The following ZNF331 variants were observed in gnomAD, a reference collection of about 807,000 sequenced individuals.
The protein encoded by ZNF331 is zinc finger protein 331, also known as C2H2-like zinc finger protein rearranged in thyroid adenomas.
Under a neutral mutation model 7.0 loss-of-function variants are expected in ZNF331, and 2 were observed. The observed-to-expected ratio is 0.29, with a 90% CI of 0.12 to 0.90. The LOEUF is 0.90. Ranked by LOEUF, ZNF331 falls within the 40% of genes least tolerant of loss-of-function variation. The pLI, the probability that ZNF331 is intolerant of heterozygous loss-of-function variation, is 0.58. For missense variants in ZNF331, 432 were observed against 587.7 expected (o/e 0.74, Z 2.74); for synonymous variants, 196 against 205.4 (o/e 0.95, Z 0.39).
intron 2 of ZNF331, among the ~76,000 whole-genome samples, chr19:53,551,433 G>C (rs2089002580): frequency 6.6e-6 from 1 of 152,162 alleles, no homozygotes; most frequent in Non-Finnish European, 1.5e-5. Flanking sequence ...ATCCAGCCCA[G>C]CCACGGGTCA....
chr19:53,548,119 T>C (rs1011775933), intron 2 of ZNF331, among the ~76,000 whole-genome samples: 1 of 151,552 alleles, frequency 6.6e-6, no homozygotes, highest in African/African-American at 2.4e-5. Flanking sequence ...TTTCTTTTCT[T>C]TTTTTTTGAG....
At chr19:53,540,183 T>A (rs1014382739) in intron 2 of ZNF331, among the ~76,000 whole-genome samples, 1 of 152,200 alleles carries the variant, frequency 6.6e-6, no homozygotes. Flanking sequence ...CCTTAATTTA[T>A]TCTTACCTTA....
At chr19:53,549,807 C>G (rs1014162723) in intron 2 of ZNF331, among the ~76,000 whole-genome samples, 1 of 151,752 alleles carries the variant, frequency 6.6e-6, no homozygotes, top group Non-Finnish European at 1.5e-5. Flanking sequence ...TCTTTAGACT[C>G]CATTTGTTCA....
chr19:53,506,266 C>G, the ZNF331 span, among the ~76,000 whole-genome samples: 1 of 86,178 alleles, frequency 1.2e-5, no homozygotes. Flanking sequence ...ACCCGGGAGG[C>G]GGAGCTTGCA....
chr19:53,555,768 C>G (rs892051192), intron 2 of ZNF331, 77 bp from the exon 3 acceptor site: 2 of 152,142 alleles, frequency 1.3e-5, no homozygotes, highest in African/African-American at 4.8e-5. Context: ...CCCAGAAACT[C>G]CATCTCGGGG....
At chr19:53,522,252 C>G (rs1178760661) in intron 1 of ZNF331, among the ~76,000 whole-genome samples, 1 of 132,462 alleles carries the variant, frequency 7.5e-6, no homozygotes, top group East Asian at 2.1e-4. Flanking sequence ...TATTTTCTTT[C>G]TTTGTTTTTT....
intron 3 of ZNF331, among the ~76,000 whole-genome samples, chr19:53,559,783 T>C (rs1320057664): frequency 1.3e-5 from 2 of 150,722 alleles, no homozygotes; most frequent in African/African-American, 4.9e-5. Context: ...TATACATATA[T>C]ATATACACAC....
chr19:53,575,153 G>T (rs1305500597), intron 5 of ZNF331, among the ~76,000 whole-genome samples: 2 of 151,634 alleles, frequency 1.3e-5, no homozygotes, highest in Non-Finnish European at 2.9e-5. Context: ...TTCCCAGGCT[G>T]GTTTTGAACT....
chr19:53,543,129 A>G (rs2088299831), intron 2 of ZNF331, among the ~76,000 whole-genome samples: 1 of 151,930 alleles, frequency 6.6e-6, no homozygotes, highest in Admixed American at 6.6e-5. Flanking sequence ...CCATTAGAAA[A>G]AAAAGGAGGG....
At chr19:53,522,522 A>G (rs2087126144) in intron 1 of ZNF331, 1 of 152,142 alleles carries the variant, frequency 6.6e-6, no homozygotes, top group African/African-American at 2.4e-5. Context: ...GTTGTGAGCC[A>G]CCGCGCCTGG....
chr19:53,549,321 G>A (rs934856076), intron 2 of ZNF331, among the ~76,000 whole-genome samples: 2 of 152,088 alleles, frequency 1.3e-5, no homozygotes, highest in African/African-American at 2.4e-5. Context: ...ACCGTAATAG[G>A]TCCGTTGCCC....
intron 5 of ZNF331, among the ~76,000 whole-genome samples, chr19:53,572,973 C>G (rs2090535982): frequency 6.6e-6 from 1 of 152,174 alleles, no homozygotes; most frequent in African/African-American, 2.4e-5. Context: ...AATCCCAGCA[C>G]TTTGGGAGGC....
intron 3 of ZNF331, among the ~76,000 whole-genome samples, chr19:53,567,146 T>G (rs2090196134): frequency 6.6e-6 from 1 of 152,174 alleles, no homozygotes; most frequent in Non-Finnish European, 1.5e-5. Flanking sequence ...ATTTACTATT[T>G]TACTTTGATA....
intron 3 of ZNF331, among the ~76,000 whole-genome samples, chr19:53,565,703 T>C (rs929537042): frequency 1.3e-5 from 2 of 150,982 alleles, no homozygotes; most frequent in African/African-American, 4.9e-5. Context: ...ATATTTGTAT[T>C]TTTCTAGTAG....
rs1014857441 is a variant in ZNF331, at chr19:53,558,183, T to C, written c.-74+2275T>C. On this transcript the variant is annotated intron_variant, in intron 3 of 5. Coordinates refer to ENST00000449416, the MANE Select transcript of ZNF331 (RefSeq NM_001079906.2). This position sits in a 1 kb window ranked among gnomAD's most constrained non-coding sequence, Gnocchi z 4.5. ...TCTACAGGTTGGGGTTCTTATACTC[T>C]TTGGCTTCTATTAGTGTATTTGATT... Among the ~76,000 whole-genome samples the C allele has an allele frequency of 5.3e-5, 8 of 152,306 alleles. No homozygotes were observed. The highest frequency in any genetic ancestry group is 3.3e-4 in the Admixed American group (5 of 15,292).
chr19:53,556,586 A>G (rs1344786468), intron 3 of ZNF331, among the ~76,000 whole-genome samples: 1 of 151,636 alleles, frequency 6.6e-6, no homozygotes, highest in Non-Finnish European at 1.5e-5. Context: ...TGGCCTCAAA[A>G]AGTGCTTGGA....
intron 5 of ZNF331, among the ~76,000 whole-genome samples, chr19:53,575,095 CCTGG>C (rs1344433236): frequency 6.6e-6 from 1 of 151,810 alleles, no homozygotes; most frequent in Non-Finnish European, 1.5e-5. Context: ...CACCACCACA[CCTGG>C]CTAATTTTTG....
upstream of ZNF331, among the ~76,000 whole-genome samples, chr19:53,533,167 C>T (rs1004526259): frequency 6.6e-6 from 1 of 151,942 alleles, no homozygotes; most frequent in Non-Finnish European, 1.5e-5. Context: ...GCTTTTCCTG[C>T]GTTTCTCAAG....
chr19:53,524,834 T>A (rs2087232160), intron 2 of ZNF331, among the ~76,000 whole-genome samples: 1 of 152,212 alleles, frequency 6.6e-6, no homozygotes, highest in Non-Finnish European at 1.5e-5. Context: ...CCTGAAGTCC[T>A]TGCCCATGCC....
Sources: allele counts gnomAD v4.1 joint callset (sites outside exome capture counted in the v4.1 genomes callset), GRCh38; gene constraint gnomAD v4.1.1; non-coding constraint Gnocchi (gnomAD v3.1); transcripts MANE v1.5; gene names NCBI Gene and HGNC (gene_info 2026-07-23, HGNC 2026-07-21).